Variants in ZSWIM5 observed in about 807,000 individuals in gnomAD.
ZSWIM5 encodes the protein zinc finger SWIM-type containing 5.
A neutral mutation model predicts 119.6 loss-of-function variants in ZSWIM5; 55 were observed. The ratio of observed to expected loss-of-function variants is 0.46; its 90% CI spans 0.37 to 0.58. ZSWIM5 has a LOEUF of 0.58. ZSWIM5 is among the 20% of genes least tolerant of loss of function. The probability of loss-of-function intolerance (pLI) is 0.00; values close to 1 mark genes in which losing one functional copy is unlikely to be tolerated. For missense variants in ZSWIM5, 1,193 were observed against 1,512.8 expected (o/e 0.79, Z 3.51); for synonymous variants, 537 against 606.9 (o/e 0.88, Z 1.69).
chr1:45,036,026 CTT>C lies in ZSWIM5; in HGVS notation c.2155+11_2155+12del, dbSNP rs762477083. ...GCCAAAGACACCGTGACAAGAGACT[CTT>C]TTCTACTTACCTTCCAGCAGTAAGA... On this transcript the variant is annotated intron_variant, in intron 9 of 13. Transcript: ENST00000359600. The C allele has an allele frequency of 6.2e-7, 1 of 1,611,596 alleles. No homozygotes were observed. Among genetic ancestry groups the C allele is most frequent in the South Asian group, 1.1e-5 (1 of 90,818 alleles).
At chr1:45,205,509 AAG>A (rs142053101) in intron 1 of ZSWIM5, among the ~76,000 whole-genome samples, 2,419 of 152,334 alleles carry the variant, frequency 0.016, 67 homozygotes, top group African/African-American at 0.054. Flanking sequence ...GGGGAATAGA[AAG>A]AGTGAAGAAG....
intron 5 of ZSWIM5, among the ~76,000 whole-genome samples, chr1:45,044,514 G>GA (rs1243320974): frequency 6.7e-6 from 1 of 149,788 alleles, no homozygotes; most frequent in Non-Finnish European, 1.5e-5. Flanking sequence ...ATGAGGTCAG[G>GA]AGATCGAGAC....
intron 5 of ZSWIM5, among the ~76,000 whole-genome samples, chr1:45,047,080 C>CATTTTAGA (rs1645060614): frequency 6.7e-6 from 1 of 149,244 alleles, no homozygotes; most frequent in Non-Finnish European, 1.5e-5. Flanking sequence ...GGCACTATGG[C>CATTTTAGA]ATTTTAGATT....
chr1:45,186,072 TA>T (rs1646056468), intron 1 of ZSWIM5, among the ~76,000 whole-genome samples: 1 of 151,450 alleles, frequency 6.6e-6, no homozygotes, highest in African/African-American at 2.4e-5. Flanking sequence ...TATGCAGCCA[TA>T]AAAAATGATG....
At chr1:45,091,000 C>T (rs1393947531) in intron 1 of ZSWIM5, among the ~76,000 whole-genome samples, 1 of 152,086 alleles carries the variant, frequency 6.6e-6, no homozygotes, top group Non-Finnish European at 1.5e-5. Flanking sequence ...CTTGGGCCAC[C>T]CACTTTACAA....
intron 1 of ZSWIM5, among the ~76,000 whole-genome samples, chr1:45,102,916 G>A (rs1158152359): frequency 6.6e-6 from 1 of 152,106 alleles, no homozygotes; most frequent in Non-Finnish European, 1.5e-5. Context: ...AGGCTGGAAT[G>A]TACTGGCATG....
rs1200358946 is a variant in ZSWIM5 at position 45,020,062 on chromosome 1, T to A, written c.2695+4A>T. ...CTGGGGGTAGAGGGAGGTGGGAGACTCACCCACTTCTGTAGCACAGGTCAC... is the reference window on the plus strand; with the variant it reads ...CTGGGGGTAGAGGGAGGTGGGAGACACACCCACTTCTGTAGCACAGGTCAC... On this transcript the variant is annotated splice_donor_region_variant and intron_variant, in intron 13 of 13. Transcript: ENST00000359600. 6.2e-7 allele frequency: 1 copy of A among 1,612,950 alleles called. No individual in the cohort carries two copies. The highest frequency in any genetic ancestry group is 8.5e-7 in the Non-Finnish European group (1 of 1,179,620).
In ZSWIM5 at chr1:45,016,886, CAG is replaced by C. The variant is rs1644857305; in HGVS notation, c.*1566_*1567del. On this transcript the variant is annotated 3_prime_UTR_variant, in exon 14 of 14. Transcript: ENST00000359600. ...CTATGGAGGTCAGCCAGGGCTAAGACAGGACTGCCCACTAGGGCTAGAAATTA... is the reference window on the plus strand; with the variant it reads ...CTATGGAGGTCAGCCAGGGCTAAGACGACTGCCCACTAGGGCTAGAAATTA... 6.6e-6 allele frequency: 1 copy of C among 152,242 alleles called. No individual in the cohort carries two copies. The allele number at this position is 152,242 out of a possible 1,614,324, so 9.4% of individuals were successfully genotyped here. A position where few individuals can be genotyped will look rare whatever the true frequency, so the allele number is the denominator to read the frequency against.
At chr1:45,106,922 C>T (rs917672893) in intron 1 of ZSWIM5, among the ~76,000 whole-genome samples, 1 of 152,172 alleles carries the variant, frequency 6.6e-6, no homozygotes, top group Non-Finnish European at 1.5e-5. Flanking sequence ...ACCCCCAACC[C>T]CCTGCTCTCT....
At chr1:45,031,815 G>A (rs985469501) in intron 11 of ZSWIM5, among the ~76,000 whole-genome samples, 47 of 147,146 alleles carry the variant, frequency 3.2e-4, no homozygotes, top group African/African-American at 9.8e-4. Context: ...ATTCCAACCT[G>A]GGCAACGGAG....
At position 45,040,514 on chromosome 1, in the gene ZSWIM5, C is replaced by A; in HGVS notation, c.1634G>T (p.Arg545Leu). Residue 545 changes from arginine (R) to leucine (L), a missense_variant, in exon 7 of 14, where the codon CGA (arginine) becomes CTA (leucine). Transcript: ENST00000359600. ...ACCATGGGAACGCAGGGCGTCAACT[C>A]GAGCACAGGCTGTAGGCACATGCTC... is the stretch of plus-strand genomic sequence containing the variant. ...WLEHVPTACA[R>L]VDALRSHGYP... The A allele has an allele frequency of 6.2e-7, 1 of 1,610,470 alleles. No homozygotes were observed. Among genetic ancestry groups the A allele is most frequent in the Non-Finnish European group, 8.5e-7 (1 of 1,178,362 alleles).
intron 1 of ZSWIM5, among the ~76,000 whole-genome samples, chr1:45,134,399 T>C (rs1645677100): frequency 6.6e-6 from 1 of 152,188 alleles, no homozygotes; most frequent in Admixed American, 6.5e-5. Context: ...TCTAAAATGT[T>C]TGCTAAAGAG....
chr1:45,089,895 G>A (rs536183787), intron 1 of ZSWIM5, among the ~76,000 whole-genome samples: 6 of 152,302 alleles, frequency 3.9e-5, no homozygotes, highest in South Asian at 2.1e-4. Context: ...AATATGATGT[G>A]CCAAATGTTA....
intron 1 of ZSWIM5, among the ~76,000 whole-genome samples, chr1:45,184,738 T>G (rs1430024813): frequency 2.0e-5 from 3 of 151,792 alleles, no homozygotes; most frequent in Non-Finnish European, 4.4e-5. Flanking sequence ...CACTGCTCAA[T>G]GAAATAAAAG....
At chr1:45,021,095 G>GCC (rs1644884975) in intron 11 of ZSWIM5, among the ~76,000 whole-genome samples, 1 of 151,930 alleles carries the variant, frequency 6.6e-6, no homozygotes, top group African/African-American at 2.4e-5. Context: ...GAGTGCAGTG[G>GCC]CTTGATCTCG....
In ZSWIM5 at chr1:45,019,367, G is replaced by A; in HGVS notation, c.2696-51C>T. On this transcript the variant is annotated intron_variant, in intron 13 of 13. Coordinates refer to ENST00000359600, the MANE Select transcript of ZSWIM5 (RefSeq NM_020883.2). This position sits in a 1 kb window ranked among gnomAD's most constrained non-coding sequence, Gnocchi z 5.0. ...CGTGGCCATCTGGGTCCTGATTCAG[G>A]TCTACCCAGATTACCATTTGGGGTT... The A allele has an allele frequency of 1.3e-6, 2 of 1,564,812 alleles. No individual in the cohort carries two copies. Among genetic ancestry groups the A allele is most frequent in the Non-Finnish European group, 1.7e-6 (2 of 1,160,074 alleles).
At chr1:45,039,637 A>G (rs1449300573) in intron 7 of ZSWIM5, among the ~76,000 whole-genome samples, 10 of 151,774 alleles carry the variant, frequency 6.6e-5, no homozygotes, top group Non-Finnish European at 7.4e-5. Flanking sequence ...CACCCGATTC[A>G]CCCTACCAAA....
chr1:45,059,053 C>T (rs536490978), intron 3 of ZSWIM5, among the ~76,000 whole-genome samples: 9 of 152,192 alleles, frequency 5.9e-5, no homozygotes, highest in South Asian at 2.1e-4. Context: ...TTGGTAGGAA[C>T]GTAAAATGAT....
chr1:45,202,657 T>C (rs995607449), intron 1 of ZSWIM5, among the ~76,000 whole-genome samples: 1 of 152,076 alleles, frequency 6.6e-6, no homozygotes, highest in South Asian at 2.1e-4. Context: ...GGCCCCTGCA[T>C]GCCTTTAGCC....
Sources: allele counts gnomAD v4.1 joint callset (sites outside exome capture counted in the v4.1 genomes callset), GRCh38; gene constraint gnomAD v4.1.1; non-coding constraint Gnocchi (gnomAD v3.1); transcripts MANE v1.5; gene names NCBI Gene and HGNC (gene_info 2026-07-23, HGNC 2026-07-21).